Variants in PTPRO observed in about 807,000 individuals in gnomAD.
The protein encoded by PTPRO is protein tyrosine phosphatase receptor type O.
In PTPRO, 62 loss-of-function variants were observed where a neutral mutation model predicts 145.2. The ratio of observed to expected loss-of-function variants is 0.43; its 90% CI spans 0.35 to 0.53. The LOEUF (loss-of-function observed/expected upper bound fraction) is 0.53. Ranked by LOEUF, PTPRO falls within the 20% of genes least tolerant of loss-of-function variation. The pLI is 0.01. For synonymous variants in PTPRO, 565 were observed against 514.7 expected (o/e 1.10, Z -1.32); for missense variants, 1,345 against 1,482.7 (o/e 0.91, Z 1.53).
At chr12:15,392,564 T>C (rs1167177024) in intron 1 of PTPRO, among the ~76,000 whole-genome samples, 1 of 151,576 alleles carries the variant, frequency 6.6e-6, no homozygotes, top group Non-Finnish European at 1.5e-5. Flanking sequence ...CTACTAAAAA[T>C]ACAAAAATTA....
chr12:15,431,273 AGAG>A (rs1940429571), intron 1 of PTPRO, among the ~76,000 whole-genome samples: 2 of 152,374 alleles, frequency 1.3e-5, no homozygotes, highest in South Asian at 2.1e-4. Flanking sequence ...TAGGTTTGAG[AGAG>A]GAGAACAGTG....
At position 15,520,321 on chromosome 12, in the gene PTPRO, T is replaced by C. The variant is rs990087052; in HGVS notation, c.1891+9T>C. 6.3e-7 allele frequency: 1 copy of C among 1,588,224 alleles called. No homozygotes were observed. The highest frequency in any genetic ancestry group is 2.2e-5 in the East Asian group (1 of 44,710). On this transcript the variant is annotated intron_variant, in intron 10 of 26. Transcript: ENST00000281171. Reference sequence around the variant, plus strand: ...CATCAGCTTCATAACAGGTGAGGCATGTGTGGGGAACAGTTCCACAAGGAG... The same window carrying C: ...CATCAGCTTCATAACAGGTGAGGCACGTGTGGGGAACAGTTCCACAAGGAG...
chr12:15,425,692 T>G (rs1467990358), intron 1 of PTPRO, among the ~76,000 whole-genome samples: 1 of 152,180 alleles, frequency 6.6e-6, no homozygotes, highest in Non-Finnish European at 1.5e-5. Flanking sequence ...AACCACTGTT[T>G]CTCTCATTTA....
At chr12:15,442,273 A>G (rs1940789539) in intron 1 of PTPRO, among the ~76,000 whole-genome samples, 1 of 152,318 alleles carries the variant, frequency 6.6e-6, no homozygotes, top group South Asian at 2.1e-4. Context: ...GACACAGGGA[A>G]AGCTTTTGAT....
In PTPRO at chr12:15,598,161, A is replaced by T. The variant is rs187646377; in HGVS notation, c.*2088A>T. Among the ~76,000 whole-genome samples, 1 of 152,352 alleles carries T rather than the reference A, an allele frequency of 6.6e-6. No individual in the cohort carries two copies. Among genetic ancestry groups the T allele is most frequent in the East Asian group, 1.9e-4 (1 of 5,190 alleles). On this transcript the variant is annotated 3_prime_UTR_variant, in exon 27 of 27. Coordinates refer to ENST00000281171, the MANE Select transcript of PTPRO (RefSeq NM_030667.3). ...TATCCAGAGTTTAGACTGAAGGCTT[A>T]GAGTCAAAACTACAGGAAGGTCACA...
At chr12:15,381,114 A>G in intron 1 of PTPRO, among the ~76,000 whole-genome samples, 1 of 152,200 alleles carries the variant, frequency 6.6e-6, no homozygotes, top group South Asian at 2.1e-4. Flanking sequence ...CTTTGAAAAT[A>G]AAAGTCATCT....
intron 15 of PTPRO, among the ~76,000 whole-genome samples, chr12:15,552,716 T>A (rs2135564396): frequency 6.6e-6 from 1 of 151,514 alleles, no homozygotes; most frequent in Admixed American, 6.6e-5. Flanking sequence ...TTGAATAATC[T>A]TAAAAGGATA....
At position 15,333,712 on chromosome 12, in the gene PTPRO, C is replaced by T. The variant is rs577749860; in HGVS notation, c.75+10911C>T. The stretch of plus-strand genomic sequence containing the variant: ...CAGGGTGGAGGATGACCTGGAGATG[C>T]CATTTTGCTCTGGTGGAGGGAATAG... On this transcript the variant is annotated intron_variant, in intron 1 of 26. Transcript: ENST00000281171. Among the ~76,000 whole-genome samples, 33 of 152,208 alleles carry T rather than the reference C, an allele frequency of 2.2e-4. No homozygotes were observed. In the South Asian group the frequency reaches 6.4e-3, roughly 30 times the overall value.
At chr12:15,484,351 G>A in intron 2 of PTPRO, 104 bp downstream of exon 2, 12 of 1,282,902 alleles carry the variant, frequency 9.4e-6, no homozygotes, top group Admixed American at 9.3e-5. Context: ...AAAATCACTT[G>A]CCTTAATGCC....
At chr12:15,587,090 G>A in intron 24 of PTPRO, 39 bp downstream of exon 24, 1 of 1,611,928 alleles carries the variant, frequency 6.2e-7, no homozygotes, top group South Asian at 1.1e-5. Context: ...AATATTAGGA[G>A]TTGGTTTTGT....
chr12:15,542,164 A>T (rs1943194114), intron 12 of PTPRO, among the ~76,000 whole-genome samples: 1 of 152,206 alleles, frequency 6.6e-6, no homozygotes, highest in Non-Finnish European at 1.5e-5. Flanking sequence ...CAATTGCCTA[A>T]TTAATATTTA....
intron 7 of PTPRO, among the ~76,000 whole-genome samples, chr12:15,513,161 GAAA>G (rs1565675702): frequency 6.4e-5 from 1 of 15,554 alleles, no homozygotes; most frequent in Admixed American, 6.3e-4. Flanking sequence ...GAAAGAAAAA[GAAA>G]GAAAGAAAGA....
At chr12:15,391,118 G>A (rs931324849) in intron 1 of PTPRO, among the ~76,000 whole-genome samples, 7 of 152,122 alleles carry the variant, frequency 4.6e-5, no homozygotes, top group Non-Finnish European at 8.8e-5. Context: ...TACATTGGGG[G>A]CTAGAGTTCA....
At chr12:15,446,241 C>T (rs987574766) in intron 1 of PTPRO, among the ~76,000 whole-genome samples, 2 of 152,046 alleles carry the variant, frequency 1.3e-5, no homozygotes, top group African/African-American at 4.8e-5. Flanking sequence ...ACTAGAAGTT[C>T]AAATTTTACT....
intron 25 of PTPRO, among the ~76,000 whole-genome samples, chr12:15,589,844 A>AGTGCATGGGTAGATTCGT (rs1944509924): frequency 2.0e-5 from 3 of 152,326 alleles, no homozygotes; most frequent in African/African-American, 7.2e-5. Context: ...CGTAAGAGTA[A>AGTGCATGGGTAGATTCGT]AACCTCTTTG....
chr12:15,544,506 CAAAAAAAA>C (rs61249816), intron 12 of PTPRO, among the ~76,000 whole-genome samples: 1 of 73,236 alleles, frequency 1.4e-5, no homozygotes, highest in African/African-American at 5.6e-5. Flanking sequence ...GACTCCATCT[CAAAAAAAA>C]AAAAAAAAAA....
intron 1 of PTPRO, among the ~76,000 whole-genome samples, chr12:15,412,567 G>C (rs916686200): frequency 1.1e-4 from 16 of 152,266 alleles, no homozygotes; most frequent in South Asian, 2.1e-4. Context: ...TTACATGAGG[G>C]TAACTCTAAT....
chr12:15,404,188 CAAAAAAAAAAAAA>C (rs370733389), intron 1 of PTPRO, among the ~76,000 whole-genome samples: 1 of 49,998 alleles, frequency 2.0e-5, no homozygotes, highest in African/African-American at 6.2e-5. Flanking sequence ...GACCCCATCT[CAAAAAAAAAAAAA>C]AAAAAAAAAA....
chr12:15,340,636 C>G (rs1241974875), intron 1 of PTPRO, among the ~76,000 whole-genome samples: 1 of 152,118 alleles, frequency 6.6e-6, no homozygotes, highest in Non-Finnish European at 1.5e-5. Flanking sequence ...GATAATTACA[C>G]AGAGCTGAAT....
Sources: gnomAD v4.1 joint callset for allele counts (sites outside exome capture counted in the v4.1 genomes callset) on GRCh38, gnomAD v4.1.1 for gene constraint, MANE v1.5 for transcripts, NCBI Gene and HGNC (gene_info 2026-07-23, HGNC 2026-07-21) for gene names.